Variants in XKR9 observed in about 807,000 individuals in gnomAD.
XKR9 encodes the protein XK-related protein 9.
In XKR9, 32 loss-of-function variants were observed where a neutral mutation model predicts 32.0. That is an observed-to-expected ratio of 1.00 (90% confidence interval 0.76 to 1.34). XKR9 has a LOEUF of 1.34. Ranked by LOEUF, XKR9 falls within the 40% of genes most tolerant of loss-of-function variation. The pLI is 0.00. For missense variants in XKR9, 546 were observed against 429.7 expected, an observed-to-expected ratio of 1.27 and a Z score of -2.39; for synonymous variants, 168 against 143.4, an observed-to-expected ratio of 1.17 and a Z score of -1.22.
the XKR9 span, among the ~76,000 whole-genome samples, chr8:70,808,774 GAGT>G: frequency 6.6e-6 from 1 of 152,236 alleles, no homozygotes; most frequent in African/African-American, 2.4e-5. Context: ...GCTGAAGCTT[GAGT>G]AGGTAAACAA....
the XKR9 span, among the ~76,000 whole-genome samples, chr8:70,951,821 T>C: frequency 6.6e-6 from 1 of 151,426 alleles, no homozygotes; most frequent in Non-Finnish European, 1.5e-5. Context: ...GGGAAGTCAA[T>C]AGCAGCCTGG....
At chr8:70,898,139 G>A in the XKR9 span, among the ~76,000 whole-genome samples, 1 of 152,138 alleles carries the variant, frequency 6.6e-6, no homozygotes, top group African/African-American at 2.4e-5. Context: ...TGGATATCCA[G>A]TTTTCCCAGC....
At position 70,717,474 on chromosome 8, in the gene XKR9, T is replaced by A. The variant is rs137892607; in HGVS notation, c.493+10321T>A. On this transcript the variant is annotated intron_variant, in intron 4 of 4. Transcript: ENST00000408926. ...GCTTCTGCAGGCCCAGTACCACTTG[T>A]AAGGTGCCAAGGCCTGGGACTTGTA... 4.6e-3 allele frequency among the ~76,000 whole-genome samples: 708 copies of A among 152,308 alleles called. 19 individuals are homozygous for A. The highest frequency in any genetic ancestry group is 0.037 in the Admixed American group (573 of 15,298).
At chr8:70,711,158 G>A (rs904947132) in intron 4 of XKR9, among the ~76,000 whole-genome samples, 14 of 152,168 alleles carry the variant, frequency 9.2e-5, no homozygotes, top group African/African-American at 3.1e-4. Flanking sequence ...AAGGGGGACT[G>A]TTATACAAAC....
At chr8:70,906,616 T>C in the XKR9 span, among the ~76,000 whole-genome samples, 1 of 152,202 alleles carries the variant, frequency 6.6e-6, no homozygotes, top group South Asian at 2.1e-4. Context: ...TGCTCAAAGG[T>C]AAACACTTAT....
the XKR9 span, among the ~76,000 whole-genome samples, chr8:70,832,721 G>C: frequency 6.6e-6 from 1 of 152,190 alleles, no homozygotes; most frequent in Non-Finnish European, 1.5e-5. Flanking sequence ...TATTAGCTCT[G>C]TTTTACAAAT....
chr8:71,006,238 C>T, the XKR9 span, among the ~76,000 whole-genome samples: 2 of 152,220 alleles, frequency 1.3e-5, no homozygotes, highest in Non-Finnish European at 2.9e-5. Context: ...CTTGTCAAAC[C>T]TGTGTTCTGT....
the XKR9 span, among the ~76,000 whole-genome samples, chr8:70,804,951 T>G: frequency 6.6e-6 from 1 of 152,330 alleles, no homozygotes; most frequent in East Asian, 1.9e-4. Context: ...TGCTTCACCT[T>G]CTACACAAAT....
the XKR9 span, among the ~76,000 whole-genome samples, chr8:70,952,799 G>C: frequency 1.3e-5 from 2 of 152,212 alleles, no homozygotes; most frequent in African/African-American, 4.8e-5. Flanking sequence ...GCCTGATAGA[G>C]CTGTGCTCAA....
At position 70,773,901 on chromosome 8, in the gene XKR9, G is replaced by A. The variant is rs1807485722; in HGVS notation, n.353-15438G>A. ...GCTGTTAGAATAGGGTCATCTTCAT[G>A]TAGATTAAAAGTATGGAGATTTAAA... On this transcript the variant is annotated intron_variant and non_coding_transcript_variant, in intron 2 of 3. Transcript: ENST00000520273. Among the ~76,000 whole-genome samples the A allele has an allele frequency of 2.6e-5, 4 of 152,172 alleles. No individual in the cohort carries two copies. The South Asian group carries it at 8.3e-4, about 31-fold the overall frequency.
the XKR9 span, among the ~76,000 whole-genome samples, chr8:70,889,290 A>G: frequency 1.3e-5 from 2 of 151,528 alleles, no homozygotes; most frequent in Non-Finnish European, 3.0e-5. Flanking sequence ...ACTGATTTTC[A>G]TATGGTGATT....
chr8:70,874,475 C>T, the XKR9 span, among the ~76,000 whole-genome samples: 8 of 152,188 alleles, frequency 5.3e-5, no homozygotes, highest in Non-Finnish European at 8.8e-5. Flanking sequence ...AATTATGGTG[C>T]TTGCTAGAGA....
chr8:70,772,338 C>G (rs990732973), intron 2 of XKR9, among the ~76,000 whole-genome samples: 3 of 152,152 alleles, frequency 2.0e-5, no homozygotes, highest in African/African-American at 7.2e-5. Flanking sequence ...AGATGCACCT[C>G]TCTTTTTAGT....
At chr8:70,682,670 CT>C (rs71566230) in intron 3 of XKR9, among the ~76,000 whole-genome samples, 61,212 of 151,978 alleles carry the variant, frequency 0.4, 13,853 homozygotes, top group Non-Finnish European at 0.52. Context: ...TTCTAGGGAA[CT>C]TGAGAGTATG....
chr8:70,687,724 G>A (rs1819353542), intron 3 of XKR9, among the ~76,000 whole-genome samples: 1 of 152,120 alleles, frequency 6.6e-6, no homozygotes, highest in South Asian at 2.1e-4. Flanking sequence ...TAAAGGATTA[G>A]ACTGTTAAGT....
the XKR9 span, among the ~76,000 whole-genome samples, chr8:71,035,354 G>T: frequency 6.6e-6 from 1 of 152,138 alleles, no homozygotes; most frequent in East Asian, 1.9e-4. Flanking sequence ...ATTTCTAGGG[G>T]TCCAAGAATG....
the XKR9 span, among the ~76,000 whole-genome samples, chr8:71,011,243 C>G: frequency 1.7e-4 from 26 of 152,202 alleles, no homozygotes; most frequent in East Asian, 4.8e-3. Context: ...AGAGCAGGAG[C>G]ATAATTTTTG....
chr8:70,690,487 C>T (rs1819474949), intron 3 of XKR9, among the ~76,000 whole-genome samples: 1 of 148,820 alleles, frequency 6.7e-6, no homozygotes, highest in Admixed American at 6.8e-5. Context: ...GCACATGCTG[C>T]TATGCCCAGC....
chr8:70,714,140 C>T (rs1456750155), intron 4 of XKR9, among the ~76,000 whole-genome samples: 15 of 151,960 alleles, frequency 9.9e-5, no homozygotes, highest in Admixed American at 5.9e-4. Context: ...TCTCTTTTTA[C>T]AGTGACACTA....
Sources: gnomAD v4.1 joint callset for allele counts (sites outside exome capture counted in the v4.1 genomes callset) on GRCh38, gnomAD v4.1.1 for gene constraint, MANE v1.5 for transcripts, NCBI Gene and HGNC (gene_info 2026-07-23, HGNC 2026-07-21) for gene names.